Variants in HADHB observed in about 807,000 individuals in gnomAD.
HADHB encodes the protein hydroxyacyl-CoA dehydrogenase trifunctional multienzyme complex subunit beta, also known as trifunctional enzyme subunit beta, mitochondrial.
A neutral mutation model predicts 61.9 loss-of-function variants in HADHB; 50 were observed. The observed-to-expected ratio is 0.81, with a 90% confidence interval of 0.64 to 1.02. HADHB has a LOEUF of 1.02. Among genes scored for constraint, HADHB ranks in the 50% least tolerant of loss-of-function variants. The pLI, the probability that HADHB is intolerant of heterozygous loss-of-function variation, is 0.00. For missense variants in HADHB, 504 were observed against 586.5 expected (o/e 0.86, Z 1.45); for synonymous variants, 191 against 201.6 (o/e 0.95, Z 0.45).
In HADHB at chr2:26,270,062, A is replaced by G. The variant is rs1672274422; in HGVS notation, c.254+65A>G. 8 of 1,015,202 alleles carry G rather than the reference A, an allele frequency of 7.9e-6. No homozygotes were observed. In the South Asian group the frequency reaches 8.8e-5, roughly 11 times the overall value. 62.9% of individuals were successfully genotyped at this position (1,015,202 alleles called of 1,614,324 possible). ...AAGGCACTTTCTCCAGTTTTTACAC[A>G]TAAAATAGCAATTTGTTCTTATTTT... On this transcript the variant is annotated intron_variant, in intron 5 of 15. Transcript: ENST00000317799.
chr2:26,279,270 C>T lies in HADHB; in HGVS notation c.766C>T (p.Gln256Ter), dbSNP rs1191611257. The change falls in exon 9 of 16, where the codon CAG (glutamine) becomes TAG (stop). Residue 256 changes from glutamine (Q) to a stop codon, truncating the protein, a stop_gained. Coordinates refer to ENST00000317799, the MANE Select transcript of HADHB (RefSeq NM_000183.3). LOFTEE classifies it high-confidence loss of function. Reference sequence around the variant, plus strand: ...CTCTCACAGTCTAGCCAAGAAGGCACAGGATGAAGGACTCCTTTCTGATGT... The same window carrying T: ...CTCTCACAGTCTAGCCAAGAAGGCATAGGATGAAGGACTCCTTTCTGATGT... ...LRSHSLAKKAQDEGLLSDVVP... is the reference protein window; with the variant it reads ...LRSHSLAKKA 6.2e-7 allele frequency: 1 copy of T among 1,613,294 alleles called. No individual in the cohort carries two copies.
At chr2:26,281,929 T>G (rs1440792720) in intron 10 of HADHB, among the ~76,000 whole-genome samples, 1 of 152,088 alleles carries the variant, frequency 6.6e-6, no homozygotes, top group African/African-American at 2.4e-5. Context: ...TTCTTTGAAG[T>G]ATGGTAAAGG....
chr2:26,279,063 A>G, intron 8 of HADHB, 72 bp from the exon 9 acceptor site: 1 of 1,256,964 alleles, frequency 8.0e-7, no homozygotes, highest in South Asian at 1.2e-5. Context: ...TCCAAATAAC[A>G]CAGAACAATC....
chr2:26,265,488 TG>T (rs1672038370), intron 4 of HADHB, among the ~76,000 whole-genome samples: 1 of 151,876 alleles, frequency 6.6e-6, no homozygotes, highest in Non-Finnish European at 1.5e-5. Flanking sequence ...CCCAGCTACT[TG>T]GGAGGCTGAG....
At position 26,277,178 on chromosome 2, in the gene HADHB, C is replaced by T. The variant is rs987513972; in HGVS notation, c.442+18C>T. On this transcript the variant is annotated intron_variant, in intron 7 of 15. Transcript: ENST00000317799. The stretch of plus-strand genomic sequence containing the variant: ...GACCACAGGTATGTTTAAATGGAAA[C>T]AGACAGTACATGTTAATTATTCTCC... The T allele has an allele frequency of 4.6e-6, 5 of 1,095,240 alleles. No individual in the cohort carries two copies. The Admixed American group carries it at 5.1e-5, about 11-fold the overall frequency. 67.8% of individuals were successfully genotyped at this position (1,095,240 alleles called of 1,614,324 possible). A position where few individuals can be genotyped will look rare whatever the true frequency, so the allele number is the denominator to read the frequency against.
In HADHB at chr2:26,279,253, G is replaced by C; in HGVS notation, c.749G>C (p.Ser250Thr). The change falls in exon 9 of 16, where the codon AGT becomes ACT. Residue 250 changes from serine (S) to threonine (T), a missense_variant. Physicochemically the swap from Ser to Thr is moderately conservative, Grantham distance 58. Transcript: ENST00000317799. ...EQDEYALRSH[S>T]LAKKAQDEGL... ...GATGAATATGCACTGCGCTCTCACA[G>C]TCTAGCCAAGAAGGCACAGGATGAA... is the stretch of plus-strand genomic sequence containing the variant. The C allele has an allele frequency of 1.2e-6, 2 of 1,613,630 alleles. No homozygotes were observed. The highest frequency in any genetic ancestry group is 1.7e-6 in the Non-Finnish European group (2 of 1,179,568).
At chr2:26,252,800 A>G (rs1671454322) in intron 1 of HADHB, among the ~76,000 whole-genome samples, 1 of 152,180 alleles carries the variant, frequency 6.6e-6, no homozygotes, top group Non-Finnish European at 1.5e-5. Flanking sequence ...CCTGTGTGTG[A>G]GTAATATCCA....
chr2:26,247,523 C>T (rs1003627796), intron 1 of HADHB, among the ~76,000 whole-genome samples: 3 of 152,064 alleles, frequency 2.0e-5, no homozygotes, highest in Non-Finnish European at 4.4e-5. Context: ...TTTTAAAATG[C>T]ATTTGTATAT....
chr2:26,281,954 G>A (rs1672808301), intron 10 of HADHB, among the ~76,000 whole-genome samples: 1 of 151,812 alleles, frequency 6.6e-6, no homozygotes, highest in African/African-American at 2.4e-5. Flanking sequence ...TTTTTCAGTA[G>A]TACTTCTTTG....
chr2:26,264,242 T>C (rs1054306814), intron 4 of HADHB, among the ~76,000 whole-genome samples: 1 of 151,674 alleles, frequency 6.6e-6, no homozygotes, highest in African/African-American at 2.4e-5. Flanking sequence ...CTTGAAGATA[T>C]GTTAAGTATA....
chr2:26,250,212 C>G (rs1464981332), intron 1 of HADHB, among the ~76,000 whole-genome samples: 1 of 152,102 alleles, frequency 6.6e-6, no homozygotes, highest in Admixed American at 6.6e-5. Context: ...CTATGTTGGT[C>G]AGGCTGGTCT....
chr2:26,284,254 T>C (rs1259757564), intron 13 of HADHB, 50 bp downstream of exon 13: 3 of 1,003,362 alleles, frequency 3.0e-6, no homozygotes, highest in Non-Finnish European at 1.6e-6. Context: ...ATAAAAAATG[T>C]CATCCATATT....
Position 26,290,130 on chromosome 2 carries a change from A to G in HADHB, c.*177A>G, listed in dbSNP as rs1673210913. ...TGCCAGTGTTCTGAGCTTTTCAATA[A>G]TCAGTTTACTGCTCTTTCAGGGATT... On this transcript the variant is annotated 3_prime_UTR_variant, in exon 16 of 16. Transcript: ENST00000317799. 7.6e-6 allele frequency: 5 copies of G among 655,630 alleles called. No homozygotes were observed. The Admixed American group carries it at 8.8e-5, about 12-fold the overall frequency. 40.6% of individuals were successfully genotyped at this position (655,630 alleles called of 1,614,324 possible). A position where few individuals can be genotyped will look rare whatever the true frequency, so the allele number is the denominator to read the frequency against.
At chr2:26,248,902 CAA>C (rs1671272555) in intron 1 of HADHB, among the ~76,000 whole-genome samples, 1 of 151,880 alleles carries the variant, frequency 6.6e-6, no homozygotes, top group Non-Finnish European at 1.5e-5. Context: ...GCTAAAAATA[CAA>C]AAATTAGACA....
At chr2:26,289,173 C>T (rs555423128) in intron 15 of HADHB, among the ~76,000 whole-genome samples, 46 of 152,214 alleles carry the variant, frequency 3.0e-4, no homozygotes, top group South Asian at 1.0e-3. Flanking sequence ...TGGCGTGAAC[C>T]CGGGAGGCGG....
At chr2:26,272,102 TTTTA>T (rs869128243) in intron 5 of HADHB, among the ~76,000 whole-genome samples, 1 of 152,006 alleles carries the variant, frequency 6.6e-6, no homozygotes. Flanking sequence ...TTTTACAGAT[TTTTA>T]TTTATTTATT....
At chr2:26,251,576 G>T (rs1671399202) in intron 1 of HADHB, among the ~76,000 whole-genome samples, 1 of 152,098 alleles carries the variant, frequency 6.6e-6, no homozygotes, top group South Asian at 2.1e-4. Flanking sequence ...ATTTCAAGAT[G>T]AACCTTACGT....
At chr2:26,280,149 CT>C in intron 10 of HADHB, 34 bp downstream of exon 10, 1 of 1,565,882 alleles carries the variant, frequency 6.4e-7, no homozygotes, top group Non-Finnish European at 8.8e-7. Context: ...TTAGTAGTGA[CT>C]TTTCTATTTC....
intron 1 of HADHB, among the ~76,000 whole-genome samples, chr2:26,253,873 T>A (rs1202302292): frequency 4.0e-4 from 58 of 146,546 alleles, no homozygotes; most frequent in Admixed American, 8.8e-4. Context: ...AATAAATAAA[T>A]AAATAAATAA....
Sources: gnomAD v4.1 joint callset for allele counts (sites outside exome capture counted in the v4.1 genomes callset) on GRCh38, gnomAD v4.1.1 for gene constraint, MANE v1.5 for transcripts, NCBI Gene and HGNC (gene_info 2026-07-23, HGNC 2026-07-21) for gene names.